TMCC1: variants seen among roughly 807,000 people sequenced by gnomAD.
The protein encoded by TMCC1 is transmembrane and coiled-coil domains protein 1.
In TMCC1, 15 loss-of-function variants were observed where a neutral mutation model predicts 52.4. The ratio of observed to expected loss-of-function variants is 0.29; its 90% confidence interval spans 0.19 to 0.44. The LOEUF (loss-of-function observed/expected upper bound fraction) is 0.44, where lower values mean the gene tolerates loss of function less well. Ranked by LOEUF, TMCC1 falls within the 20% of genes least tolerant of loss-of-function variation. The pLI is 1.00. For missense variants in TMCC1, 503 were observed against 806.0 expected, an observed-to-expected ratio of 0.62 and a Z score of 4.55; for synonymous variants, 279 against 301.9, an observed-to-expected ratio of 0.92 and a Z score of 0.79.
intron 4 of TMCC1, among the ~76,000 whole-genome samples, chr3:129,772,754 A>G (rs886301668): frequency 5.9e-5 from 9 of 151,274 alleles, no homozygotes; most frequent in Admixed American, 4.6e-4. Flanking sequence ...ACTGATTCAC[A>G]GAAAAAAAAT....
chr3:129,834,769 A>G (rs139791718), intron 2 of TMCC1, among the ~76,000 whole-genome samples: 18 of 152,322 alleles, frequency 1.2e-4, no homozygotes, highest in African/African-American at 4.3e-4. Flanking sequence ...GTCAACAGGA[A>G]TTCCTCATAC....
rs192899555 is a variant in TMCC1, at chr3:129,842,952, G to A, written c.-183-10126C>T. Among the ~76,000 whole-genome samples the A allele has an allele frequency of 3.9e-5, 6 of 152,236 alleles. No individual in the cohort carries two copies. The East Asian group carries it at 1.2e-3, about 29-fold the overall frequency. On this transcript the variant is annotated intron_variant, in intron 2 of 6. Coordinates refer to ENST00000393238, the MANE Select transcript of TMCC1 (RefSeq NM_001017395.5). The stretch of plus-strand genomic sequence containing the variant: ...TGAAATGCAGCTAAAACAGTACTTA[G>A]AGGAAAATGTATAGTCTTAATTATA...
At chr3:129,839,361 A>C (rs1177881895) in intron 2 of TMCC1, among the ~76,000 whole-genome samples, 2 of 152,244 alleles carry the variant, frequency 1.3e-5, no homozygotes, top group African/African-American at 4.8e-5. Context: ...TTTAAAATGT[A>C]TAATGTAAAC....
intron 5 of TMCC1, among the ~76,000 whole-genome samples, chr3:129,659,454 T>G (rs1351145472): frequency 1.3e-5 from 2 of 152,144 alleles, no homozygotes. Context: ...CTTCACAACG[T>G]ATTGATTTTA....
intron 4 of TMCC1, among the ~76,000 whole-genome samples, chr3:129,822,975 C>G (rs1401616985): frequency 1.3e-5 from 2 of 152,030 alleles, no homozygotes; most frequent in Admixed American, 1.3e-4. Flanking sequence ...GTTTCTTATC[C>G]CAGTAAGATG....
intron 2 of TMCC1, among the ~76,000 whole-genome samples, chr3:129,843,964 T>C (rs1410770837): frequency 6.9e-6 from 1 of 145,048 alleles, no homozygotes; most frequent in African/African-American, 2.5e-5. Flanking sequence ...AATGAACATA[T>C]ATGCAAAAAC....
At chr3:129,656,189 G>C (rs1027036863) in intron 5 of TMCC1, among the ~76,000 whole-genome samples, 6 of 152,202 alleles carry the variant, frequency 3.9e-5, no homozygotes, top group South Asian at 2.1e-4. Flanking sequence ...AGGAACTAAA[G>C]AGCTAAGTAG....
chr3:129,783,558 G>GA (rs569014920), intron 4 of TMCC1, among the ~76,000 whole-genome samples: 11,099 of 146,108 alleles, frequency 0.076, 431 homozygotes, highest in Middle Eastern at 0.15. Context: ...CACCAAAATA[G>GA]AAAAAAAAAA....
chr3:129,775,972 T>C (rs759384425), intron 4 of TMCC1, among the ~76,000 whole-genome samples: 6 of 152,204 alleles, frequency 3.9e-5, no homozygotes, highest in Non-Finnish European at 7.3e-5. Flanking sequence ...ATACCCTTCA[T>C]CTTTATCAAT....
At chr3:129,794,581 A>G (rs1028619717) in intron 4 of TMCC1, among the ~76,000 whole-genome samples, 6 of 152,148 alleles carry the variant, frequency 3.9e-5, no homozygotes, top group African/African-American at 1.4e-4. Context: ...GTAATCCTGA[A>G]GCCGCTGTGC....
At chr3:129,713,405 T>C (rs2048842226) in intron 4 of TMCC1, among the ~76,000 whole-genome samples, 1 of 152,124 alleles carries the variant, frequency 6.6e-6, no homozygotes, top group African/African-American at 2.4e-5. Flanking sequence ...AAATAACCTA[T>C]GACATTTGGT....
chr3:129,784,752 C>CTCAAA (rs2055852235), intron 4 of TMCC1, among the ~76,000 whole-genome samples: 3 of 151,804 alleles, frequency 2.0e-5, no homozygotes, highest in Admixed American at 2.0e-4. Context: ...GAACTTGAGG[C>CTCAAA]CATGAGTTTG....
chr3:129,688,505 A>C (rs2089571813), intron 4 of TMCC1: 4 of 985,388 alleles, frequency 4.1e-6, no homozygotes, highest in Non-Finnish European at 4.8e-6. Context: ...GACTTTCACA[A>C]AACAGGCAGG....
intron 2 of TMCC1, among the ~76,000 whole-genome samples, chr3:129,875,490 CAAAAAAAAA>C (rs370431347): frequency 1.2e-4 from 2 of 17,328 alleles, no homozygotes; most frequent in Non-Finnish European, 2.7e-4. Context: ...GACTCCATCT[CAAAAAAAAA>C]AAAAAAAAAA....
chr3:129,748,342 G>C (rs939753637), intron 4 of TMCC1, among the ~76,000 whole-genome samples: 1 of 152,148 alleles, frequency 6.6e-6, no homozygotes, highest in Non-Finnish European at 1.5e-5. Flanking sequence ...GCCAAGGCTG[G>C]AGTGGCATAA....
intron 4 of TMCC1, among the ~76,000 whole-genome samples, chr3:129,762,862 G>A (rs60522281): frequency 0.097 from 14,682 of 151,904 alleles, 838 homozygotes; most frequent in African/African-American, 0.15. Context: ...TTCTGAGTGG[G>A]TTCAAGTGCT....
intron 4 of TMCC1, among the ~76,000 whole-genome samples, chr3:129,820,891 A>G (rs2717248): frequency 0.99 from 150,184 of 152,354 alleles, 74,061 homozygotes; most frequent in East Asian, 1. Flanking sequence ...AGCACTGTTC[A>G]GAGGTTAGTA....
At chr3:129,744,279 C>T (rs1190349652) in intron 4 of TMCC1, among the ~76,000 whole-genome samples, 2 of 152,160 alleles carry the variant, frequency 1.3e-5, no homozygotes, top group African/African-American at 2.4e-5. Context: ...AACCTCAATA[C>T]AACCCATTTA....
intron 4 of TMCC1, among the ~76,000 whole-genome samples, chr3:129,726,257 TCTTA>T (rs1429301495): frequency 3.9e-5 from 6 of 152,188 alleles, no homozygotes; most frequent in African/African-American, 1.4e-4. Context: ...ATTCAATAAT[TCTTA>T]CTATGTGCCA....
Sources: allele counts gnomAD v4.1 joint callset (sites outside exome capture counted in the v4.1 genomes callset), GRCh38; gene constraint gnomAD v4.1.1; transcripts MANE v1.5; gene names NCBI Gene and HGNC (gene_info 2026-07-23, HGNC 2026-07-21).